ZNF143: variants seen among roughly 807,000 people sequenced by gnomAD.
ZNF143 encodes zinc finger protein 143, also known as SPH-binding factor.
Under a neutral mutation model 74.1 loss-of-function variants are expected in ZNF143, and 49 were observed. The observed-to-expected ratio is 0.66, with a 90% CI of 0.53 to 0.84. The LOEUF is 0.84. Ranked by LOEUF, ZNF143 falls within the 40% of genes least tolerant of loss-of-function variation. ZNF143 has a pLI of 0.00. For synonymous variants in ZNF143, 304 were observed against 282.8 expected (o/e 1.07, Z -0.75); for missense variants, 637 against 793.4 (o/e 0.80, Z 2.37).
At chr11:9,511,405 T>C (rs960616096) in intron 12 of ZNF143, among the ~76,000 whole-genome samples, 9 of 151,628 alleles carry the variant, frequency 5.9e-5, no homozygotes, top group African/African-American at 2.2e-4. Flanking sequence ...CACACCATTC[T>C]CCTGCCTCAG....
At chr11:9,481,612 G>A (rs764401561) in intron 7 of ZNF143, among the ~76,000 whole-genome samples, 19 of 152,006 alleles carry the variant, frequency 1.2e-4, no homozygotes, top group Non-Finnish European at 2.2e-4. Flanking sequence ...TGTAGGCTGG[G>A]TCCAGTGACT....
At chr11:9,462,947 C>T (rs1855960820) in intron 1 of ZNF143, among the ~76,000 whole-genome samples, 1 of 152,022 alleles carries the variant, frequency 6.6e-6, no homozygotes, top group Non-Finnish European at 1.5e-5. Flanking sequence ...CAACATATCA[C>T]CCCCAAAAGA....
intron 14 of ZNF143, among the ~76,000 whole-genome samples, chr11:9,524,127 G>C (rs1849044283): frequency 6.6e-6 from 1 of 151,660 alleles, no homozygotes; most frequent in Non-Finnish European, 1.5e-5. Context: ...TTGCTTTCTG[G>C]GCTATTCTTC....
chr11:9,526,024 C>T (rs59206639), intron 15 of ZNF143, among the ~76,000 whole-genome samples: 2,505 of 151,956 alleles, frequency 0.016, 59 homozygotes, highest in African/African-American at 0.056. Flanking sequence ...GCCTGTAGTG[C>T]CCAGCTACTT....
intron 15 of ZNF143, among the ~76,000 whole-genome samples, chr11:9,525,981 A>C (rs996136616): frequency 2.6e-5 from 4 of 152,030 alleles, no homozygotes; most frequent in African/African-American, 9.7e-5. Flanking sequence ...TCACTACAAA[A>C]AACACAAAAA....
intron 10 of ZNF143, among the ~76,000 whole-genome samples, chr11:9,498,158 C>A (rs1474759666): frequency 6.6e-6 from 1 of 152,196 alleles, no homozygotes; most frequent in Admixed American, 6.5e-5. Context: ...AGGGACGGTA[C>A]TTGAGGAATG....
chr11:9,471,147 G>T (rs1353992575), intron 1 of ZNF143, 155 bp from the exon 2 acceptor site: 2 of 541,628 alleles, frequency 3.7e-6, no homozygotes, highest in Non-Finnish European at 3.1e-6. Flanking sequence ...TTGGACTTTG[G>T]GCTAATACTC....
chr11:9,523,713 G>A (rs986979790), intron 14 of ZNF143, among the ~76,000 whole-genome samples: 1 of 151,034 alleles, frequency 6.6e-6, no homozygotes, highest in Admixed American at 6.6e-5. Flanking sequence ...CAGCCTGGGC[G>A]ACAAAGTGAG....
chr11:9,486,403 TATATATATA>T (rs1216585931), intron 7 of ZNF143, among the ~76,000 whole-genome samples: 31 of 17,130 alleles, frequency 1.8e-3, no homozygotes, highest in Non-Finnish European at 2.8e-3. Flanking sequence ...TATAATATAT[TATATATATA>T]ATATATATTA....
chr11:9,484,598 G>A (rs1331868731), intron 7 of ZNF143, among the ~76,000 whole-genome samples: 2 of 142,474 alleles, frequency 1.4e-5, no homozygotes, highest in Non-Finnish European at 3.0e-5. Flanking sequence ...AGGGGCAAAA[G>A]TTTGGTGTTT....
chr11:9,469,367 G>T (rs1856440137), intron 1 of ZNF143, among the ~76,000 whole-genome samples: 1 of 151,742 alleles, frequency 6.6e-6, no homozygotes, highest in South Asian at 2.1e-4. Flanking sequence ...AAGTAGCTGG[G>T]ATTACAGGCG....
At chr11:9,493,151 C>T (rs941608981) in intron 7 of ZNF143, among the ~76,000 whole-genome samples, 2 of 150,214 alleles carry the variant, frequency 1.3e-5, no homozygotes, top group African/African-American at 2.5e-5. Context: ...CTCTCTGTAA[C>T]CTCCGCCTCC....
At chr11:9,463,977 T>C (rs1296172432) in intron 1 of ZNF143, 1 of 151,976 alleles carries the variant, frequency 6.6e-6, no homozygotes, top group Non-Finnish European at 1.5e-5. Flanking sequence ...GCAACTTGCT[T>C]TTTCCCACTT....
chr11:9,473,988 G>A lies in ZNF143; in HGVS notation c.253G>A (p.Ala85Thr), dbSNP rs765129314. The A allele has an allele frequency of 3.1e-6, 5 of 1,614,012 alleles. No homozygotes were observed. The highest frequency in any genetic ancestry group is 4.2e-6 in the Non-Finnish European group (5 of 1,179,940). The change falls in exon 4 of 16, where the codon GCG becomes ACG. Residue 85 changes from alanine to threonine, a missense_variant. Ala to Thr is a moderately conservative substitution (Grantham distance 58, BLOSUM62 0). This residue lies in a region of ZNF143 where 293 missense variants were observed against 307.8 expected (regional missense o/e 0.95). Coordinates refer to ENST00000396602, the MANE Select transcript of ZNF143 (RefSeq NM_003442.6). Reference sequence around the variant, plus strand: ...GGTCATTCAGTTGGAAGATGGTTCTGCGGCCTATGTTCAACATGTACCCAT... The same window carrying A: ...GGTCATTCAGTTGGAAGATGGTTCTACGGCCTATGTTCAACATGTACCCAT... ...GQVIQLEDGS[A>T]AYVQHVPIPK...
intron 13 of ZNF143, among the ~76,000 whole-genome samples, 199 bp downstream of exon 13, chr11:9,512,795 G>A (rs750997327): frequency 7.9e-5 from 12 of 152,182 alleles, no homozygotes; most frequent in Admixed American, 2.0e-4. Flanking sequence ...TGTAGAATCC[G>A]AATGGTATTC....
intron 7 of ZNF143, among the ~76,000 whole-genome samples, chr11:9,482,783 G>C (rs1847298962): frequency 6.6e-6 from 1 of 151,022 alleles, no homozygotes; most frequent in Non-Finnish European, 1.5e-5. Flanking sequence ...CTTGAAATAT[G>C]ACTAGTCCAA....
intron 10 of ZNF143, among the ~76,000 whole-genome samples, chr11:9,499,155 C>T (rs1848069240): frequency 6.6e-6 from 1 of 152,134 alleles, no homozygotes; most frequent in Non-Finnish European, 1.5e-5. Context: ...CATATAACAG[C>T]TTTAAAATCA....
chr11:9,503,733 G>C (rs146801513), intron 11 of ZNF143, among the ~76,000 whole-genome samples: 1 of 150,542 alleles, frequency 6.6e-6, no homozygotes, highest in African/African-American at 2.4e-5. Context: ...GCCTCCGCCT[G>C]CCGGGTTCAA....
At chr11:9,501,293 T>G (rs549698245) in intron 11 of ZNF143, 23 bp downstream of exon 11, 2 of 1,608,002 alleles carry the variant, frequency 1.2e-6, no homozygotes, top group African/African-American at 2.7e-5. Context: ...GATCTTTTGG[T>G]CTTTTATCTT....
Sources: gnomAD v4.1 joint callset for allele counts (sites outside exome capture counted in the v4.1 genomes callset) on GRCh38, gnomAD v4.1.1 for gene constraint, gnomAD v4.1.1 regional missense constraint, MANE v1.5 for transcripts, NCBI Gene and HGNC (gene_info 2026-07-23, HGNC 2026-07-21) for gene names.